LRRC4C: variants seen among roughly 807,000 people sequenced by gnomAD.
LRRC4C encodes the protein leucine-rich repeat-containing protein 4C.
Under a neutral mutation model 33.6 loss-of-function variants are expected in LRRC4C, and 5 were observed. That is an observed-to-expected ratio of 0.15 (90% confidence interval 0.08 to 0.31). LRRC4C has a LOEUF of 0.31. LRRC4C is among the 10% of genes least tolerant of loss of function. The probability of loss-of-function intolerance (pLI) is 1.00; values close to 1 mark genes in which losing one functional copy is unlikely to be tolerated. For synonymous variants in LRRC4C, 329 were observed against 302.0 expected (o/e 1.09, Z -0.93); for missense variants, 560 against 796.7 (o/e 0.70, Z 3.58).
intron 6 of LRRC4C, among the ~76,000 whole-genome samples, chr11:40,134,248 A>G (rs1856829961): frequency 6.6e-6 from 1 of 152,190 alleles, no homozygotes; most frequent in South Asian, 2.1e-4. Context: ...ATCATCATCA[A>G]GAAAAGAGAA....
intron 2 of LRRC4C, among the ~76,000 whole-genome samples, chr11:40,919,972 C>T (rs1957109866): frequency 6.6e-6 from 1 of 152,116 alleles, no homozygotes; most frequent in Non-Finnish European, 1.5e-5. Flanking sequence ...TCTACCTTTA[C>T]AGTGCTCAAA....
intron 1 of LRRC4C, among the ~76,000 whole-genome samples, chr11:41,069,034 AC>A (rs1938480675): frequency 1.3e-5 from 2 of 152,338 alleles, no homozygotes; most frequent in East Asian, 3.9e-4. Context: ...ATACTGGCAA[AC>A]CGAATCCAGC....
chr11:41,364,574 C>T (rs1952468779), intron 1 of LRRC4C, among the ~76,000 whole-genome samples: 1 of 152,152 alleles, frequency 6.6e-6, no homozygotes, highest in Non-Finnish European at 1.5e-5. Flanking sequence ...CTGTGCAGAA[C>T]ACACATAAGA....
chr11:40,954,186 C>T (rs1262119920), intron 1 of LRRC4C, among the ~76,000 whole-genome samples: 1 of 151,834 alleles, frequency 6.6e-6, no homozygotes, highest in Non-Finnish European at 1.5e-5. Flanking sequence ...TCCGCTGGCA[C>T]CAACATCCCC....
At chr11:40,119,942 A>T (rs886516863) in intron 6 of LRRC4C, among the ~76,000 whole-genome samples, 11 of 152,096 alleles carry the variant, frequency 7.2e-5, no homozygotes, top group African/African-American at 2.7e-4. Context: ...GACAGCCCCT[A>T]TGTCCCAGAG....
chr11:40,729,192 C>A (rs1166069559), intron 2 of LRRC4C, among the ~76,000 whole-genome samples: 1 of 151,930 alleles, frequency 6.6e-6, no homozygotes, highest in Admixed American at 6.6e-5. Context: ...TCAGTTGGTT[C>A]CAGAATAATT....
intron 1 of LRRC4C, among the ~76,000 whole-genome samples, chr11:41,207,155 A>C (rs1280113155): frequency 6.6e-6 from 1 of 152,200 alleles, no homozygotes; most frequent in East Asian, 1.9e-4. Context: ...AGGAGCCTAA[A>C]GGACTTAAGA....
At chr11:40,792,340 A>C (rs1033398928) in intron 2 of LRRC4C, among the ~76,000 whole-genome samples, 1 of 152,206 alleles carries the variant, frequency 6.6e-6, no homozygotes, top group African/African-American at 2.4e-5. Context: ...GTGAGAAGAC[A>C]TGCAGACTGG....
At chr11:41,017,607 A>T (rs117717590) in intron 1 of LRRC4C, among the ~76,000 whole-genome samples, 2 of 151,992 alleles carry the variant, frequency 1.3e-5, no homozygotes, top group South Asian at 4.1e-4. Context: ...CATGGTTCTT[A>T]CACTCTGTTT....
intron 3 of LRRC4C, among the ~76,000 whole-genome samples, chr11:40,324,502 G>A (rs1469728525): frequency 1.3e-5 from 2 of 152,190 alleles, no homozygotes; most frequent in Non-Finnish European, 2.9e-5. Context: ...ATTGGAATTA[G>A]CAGTGCTGTA....
chr11:41,175,715 T>A (rs1176971984), intron 1 of LRRC4C, among the ~76,000 whole-genome samples: 2 of 152,220 alleles, frequency 1.3e-5, no homozygotes, highest in Non-Finnish European at 2.9e-5. Context: ...TTTGTATTAC[T>A]GTAGCAGTAA....
intron 1 of LRRC4C, among the ~76,000 whole-genome samples, chr11:41,216,215 C>T (rs1947055562): frequency 6.6e-6 from 1 of 151,976 alleles, no homozygotes; most frequent in African/African-American, 2.4e-5. Context: ...TAAATTTAAA[C>T]AAAATTGAAG....
At chr11:40,319,272 C>T (rs1441812057) in intron 4 of LRRC4C, among the ~76,000 whole-genome samples, 2 of 151,978 alleles carry the variant, frequency 1.3e-5, no homozygotes, top group Non-Finnish European at 2.9e-5. Flanking sequence ...TTAACCCATT[C>T]TCTTCCCCTT....
chr11:40,858,802 C>T (rs1025991380), intron 2 of LRRC4C, among the ~76,000 whole-genome samples: 4 of 151,108 alleles, frequency 2.6e-5, no homozygotes, highest in South Asian at 2.1e-4. Context: ...TGTGTCAAAC[C>T]GAAAGCCTTA....
chr11:40,498,123 T>C (rs1263843145), intron 3 of LRRC4C, among the ~76,000 whole-genome samples: 2 of 152,208 alleles, frequency 1.3e-5, no homozygotes, highest in Non-Finnish European at 2.9e-5. Flanking sequence ...GACCACCCGC[T>C]ACCAGGTACA....
intron 1 of LRRC4C, among the ~76,000 whole-genome samples, chr11:41,405,035 T>C (rs1954176622): frequency 6.6e-6 from 1 of 152,126 alleles, no homozygotes; most frequent in African/African-American, 2.4e-5. Context: ...ATAATGTGGG[T>C]CCAGCACTAT....
intron 1 of LRRC4C, among the ~76,000 whole-genome samples, chr11:41,023,126 T>C (rs1470499514): frequency 6.6e-6 from 1 of 151,886 alleles, no homozygotes; most frequent in Non-Finnish European, 1.5e-5. Flanking sequence ...ACCAAGATCA[T>C]TAGGAAACCC....
At chr11:41,228,646 T>A (rs1245782950) in intron 1 of LRRC4C, among the ~76,000 whole-genome samples, 2 of 152,202 alleles carry the variant, frequency 1.3e-5, no homozygotes, top group Non-Finnish European at 2.9e-5. Flanking sequence ...AAGATTGATA[T>A]CTTTTTTTGC....
chr11:41,386,005 T>C (rs1278480370), intron 1 of LRRC4C, among the ~76,000 whole-genome samples: 4 of 151,670 alleles, frequency 2.6e-5, no homozygotes, highest in Non-Finnish European at 4.4e-5. Context: ...GCAATTTTTA[T>C]AAGAAAATAG....
Sources: gnomAD v4.1 joint callset for allele counts (sites outside exome capture counted in the v4.1 genomes callset) on GRCh38, gnomAD v4.1.1 for gene constraint, MANE v1.5 for transcripts, NCBI Gene and HGNC (gene_info 2026-07-23, HGNC 2026-07-21) for gene names.